RNF24: variants seen among roughly 807,000 people sequenced by gnomAD.
RNF24 encodes ring finger protein 24.
Under a neutral mutation model 20.0 loss-of-function variants are expected in RNF24, and 14 were observed. The observed-to-expected ratio is 0.70, with a 90% CI of 0.46 to 1.10. RNF24 has a LOEUF of 1.10. Among genes scored for constraint, RNF24 ranks in the 50% least tolerant of loss-of-function variants. The pLI, the probability that RNF24 is intolerant of heterozygous loss-of-function variation, is 0.00. For synonymous variants in RNF24, 45 were observed against 61.1 expected (o/e 0.74, Z 1.23); for missense variants, 124 against 177.6 (o/e 0.70, Z 1.71).
chr20:4,006,397 C>T (rs1412095761), intron 1 of RNF24, among the ~76,000 whole-genome samples: 1 of 150,854 alleles, frequency 6.6e-6, no homozygotes, highest in African/African-American at 2.4e-5. Context: ...ATGGTTTACA[C>T]AGGAGCAAGC....
intron 2 of RNF24, among the ~76,000 whole-genome samples, chr20:3,948,708 C>T (rs1254593842): frequency 6.6e-6 from 1 of 152,150 alleles, no homozygotes; most frequent in Non-Finnish European, 1.5e-5. Flanking sequence ...CTAAAATGAT[C>T]CTTCCTAATC....
Position 3,933,958 on chromosome 20 carries a change from G to T in RNF24, c.*105C>A. The T allele has an allele frequency of 8.7e-7, 1 of 1,150,064 alleles. No homozygotes were observed. Among genetic ancestry groups the T allele is most frequent in the Non-Finnish European group, 1.1e-6 (1 of 871,558 alleles). The allele number at this position is 1,150,064 out of a possible 1,614,324, so 71.2% of individuals were successfully genotyped here. A position where few individuals can be genotyped will look rare whatever the true frequency, so the allele number is the denominator to read the frequency against. On this transcript the variant is annotated 3_prime_UTR_variant, in exon 6 of 6. Transcript: ENST00000358395. ...GAGTTCTTCATGAGGCAAAAGAAGT[G>T]GCAGCTGGTGTCCTAGGTAGAGAGC...
chr20:3,980,891 A>G (rs1979320956), intron 1 of RNF24, among the ~76,000 whole-genome samples: 1 of 146,302 alleles, frequency 6.8e-6, no homozygotes, highest in Non-Finnish European at 1.5e-5. Context: ...CCATTCTTAC[A>G]CGGCAAAAAC....
rs1276012430 is a variant in RNF24 at position 3,931,809 on chromosome 20, T to C, written c.*2254A>G. The stretch of plus-strand genomic sequence containing the variant: ...GCTGAGTGCAGAGTGCAGAGCATTC[T>C]TGTGCTCTCCTCTCATGGCTGGAAC... On this transcript the variant is annotated 3_prime_UTR_variant, in exon 6 of 6. Coordinates refer to ENST00000358395, the MANE Select transcript of RNF24 (RefSeq NM_001134337.3). 6.6e-6 allele frequency: 1 copy of C among 152,272 alleles called. No homozygotes were observed. Among genetic ancestry groups the C allele is most frequent in the Non-Finnish European group, 1.5e-5 (1 of 68,066 alleles). 9.4% of individuals were successfully genotyped at this position (152,272 alleles called of 1,614,324 possible).
At chr20:3,986,269 C>T (rs1979895906) in intron 1 of RNF24, among the ~76,000 whole-genome samples, 1 of 151,964 alleles carries the variant, frequency 6.6e-6, no homozygotes, top group Non-Finnish European at 1.5e-5. Flanking sequence ...TTCCTCCCTT[C>T]CTCCCTCCCT....
At chr20:3,961,360 G>A (rs1016629120) in intron 2 of RNF24, among the ~76,000 whole-genome samples, 1 of 150,266 alleles carries the variant, frequency 6.7e-6, no homozygotes, top group Non-Finnish European at 1.5e-5. Flanking sequence ...TCATGTCACT[G>A]CACTCCAGCC....
chr20:4,010,265 C>T (rs181785315), intron 1 of RNF24, among the ~76,000 whole-genome samples: 2 of 143,808 alleles, frequency 1.4e-5, no homozygotes, highest in African/African-American at 5.2e-5. Flanking sequence ...CCCAGCTACT[C>T]GGGAGGCTGA....
intron 4 of RNF24, among the ~76,000 whole-genome samples, chr20:3,942,973 G>A (rs951028377): frequency 3.3e-5 from 5 of 151,816 alleles, no homozygotes; most frequent in Non-Finnish European, 7.4e-5. Flanking sequence ...CCATCACCGC[G>A]CCTGGCTCAT....
chr20:3,963,407 G>A (rs1392439981), intron 2 of RNF24, among the ~76,000 whole-genome samples: 1 of 152,006 alleles, frequency 6.6e-6, no homozygotes, highest in African/African-American at 2.4e-5. Context: ...TGGCCAGGCT[G>A]GTCGAGAACT....
chr20:4,004,113 T>C (rs957225723), intron 1 of RNF24, among the ~76,000 whole-genome samples: 7 of 152,228 alleles, frequency 4.6e-5, no homozygotes, highest in African/African-American at 1.2e-4. Context: ...TTATCGTTCC[T>C]GAAGATGACT....
intron 2 of RNF24, among the ~76,000 whole-genome samples, chr20:3,963,341 A>G (rs971336957): frequency 1.3e-5 from 2 of 151,908 alleles, no homozygotes; most frequent in African/African-American, 4.8e-5. Context: ...TACAGGCATG[A>G]GCCACCACGC....
intron 1 of RNF24, among the ~76,000 whole-genome samples, chr20:4,006,088 G>A (rs1228065979): frequency 6.6e-6 from 1 of 152,092 alleles, no homozygotes; most frequent in Non-Finnish European, 1.5e-5. Flanking sequence ...TAGAATCTAT[G>A]GTTTATGGCT....
chr20:3,965,903 G>A (rs1168575836), intron 1 of RNF24, among the ~76,000 whole-genome samples: 38 of 152,154 alleles, frequency 2.5e-4, no homozygotes, highest in Admixed American at 2.5e-3. Flanking sequence ...GGAGGCTGAG[G>A]TGGGTGGATC....
chr20:3,954,876 G>A (rs902926667), intron 2 of RNF24, among the ~76,000 whole-genome samples: 1 of 146,924 alleles, frequency 6.8e-6, no homozygotes, highest in Non-Finnish European at 1.5e-5. Context: ...TCTAGCCCGG[G>A]TGACAGTGCG....
chr20:3,987,046 T>A (rs984614814), intron 1 of RNF24, among the ~76,000 whole-genome samples: 6 of 152,234 alleles, frequency 3.9e-5, no homozygotes, highest in Admixed American at 3.3e-4. Flanking sequence ...GCATTGGGAT[T>A]ACAGGCGTAA....
In RNF24 at chr20:3,933,393, G is replaced by C; in HGVS notation, c.*670C>G. The C allele has an allele frequency of 2.5e-6, 1 of 392,962 alleles. No homozygotes were observed. Among genetic ancestry groups the C allele is most frequent in the Non-Finnish European group, 4.5e-6 (1 of 223,006 alleles). The allele number at this position is 392,962 out of a possible 1,614,324, so 24.3% of individuals were successfully genotyped here. A position where few individuals can be genotyped will look rare whatever the true frequency, so the allele number is the denominator to read the frequency against. ...GGGGCTCTGGACGGGCCTTACTGGT[G>C]CATAGGAGAGGGAAATGATAAGAGG... On this transcript the variant is annotated 3_prime_UTR_variant, in exon 6 of 6. Coordinates refer to ENST00000358395, the MANE Select transcript of RNF24 (RefSeq NM_001134337.3).
intron 1 of RNF24, among the ~76,000 whole-genome samples, chr20:3,964,996 T>C (rs1407518256): frequency 2.0e-5 from 3 of 152,156 alleles, no homozygotes; most frequent in Non-Finnish European, 4.4e-5. Flanking sequence ...CAGTAAGTGT[T>C]GTTTAAACAT....
At chr20:3,937,519 T>C (rs2090905282) in intron 4 of RNF24, among the ~76,000 whole-genome samples, 1 of 152,178 alleles carries the variant, frequency 6.6e-6, no homozygotes. Flanking sequence ...TGTGCAGCCA[T>C]CTTTACAATC....
At chr20:3,951,717 A>G (rs1041521742) in intron 2 of RNF24, among the ~76,000 whole-genome samples, 2 of 152,164 alleles carry the variant, frequency 1.3e-5, no homozygotes, top group African/African-American at 4.8e-5. Context: ...TATTTCTATC[A>G]GTCTAGACTC....
Sources: gnomAD v4.1 joint callset for allele counts (sites outside exome capture counted in the v4.1 genomes callset) on GRCh38, gnomAD v4.1.1 for gene constraint, MANE v1.5 for transcripts, NCBI Gene and HGNC (gene_info 2026-07-23, HGNC 2026-07-21) for gene names.